The following SP140 variants were observed in gnomAD, a reference collection of about 807,000 sequenced individuals.
SP140 encodes the protein nuclear body protein SP140.
Under a neutral mutation model 125.0 loss-of-function variants are expected in SP140, and 81 were observed. The observed-to-expected ratio is 0.65, with a 90% CI of 0.54 to 0.78. The LOEUF is 0.78. SP140 is among the 30% of genes least tolerant of loss of function. The probability of loss-of-function intolerance (pLI) is 0.00; values close to 1 mark genes in which losing one functional copy is unlikely to be tolerated. For synonymous variants in SP140, 312 were observed against 354.0 expected (o/e 0.88, Z 1.33); for missense variants, 858 against 1,037.0 (o/e 0.83, Z 2.37).
At chr2:230,203,023 G>A (rs1285299859), upstream of SP140, 2 of 427,252 alleles carry the variant, frequency 4.7e-6, no homozygotes, top group East Asian at 5.0e-5. Flanking sequence ...CGTTTGTGTC[G>A]GCCTGCACCA....
upstream of SP140, among the ~76,000 whole-genome samples, chr2:230,198,133 C>CTGTAGGGCCGGAAGTCCTT (rs1553537782): frequency 6.6e-6 from 1 of 152,146 alleles, no homozygotes; most frequent in African/African-American, 2.4e-5. Flanking sequence ...TGGAAGTCCT[C>CTGTAGGGCCGGAAGTCCTT]TGTAGGGCCC....
chr2:230,204,848 G>A (rs1451499374), intron 1 of SP140, among the ~76,000 whole-genome samples: 2 of 152,178 alleles, frequency 1.3e-5, no homozygotes, highest in Non-Finnish European at 2.9e-5. Context: ...CATTTATGGG[G>A]AGTAGTGTAG....
intron 5 of SP140, 106 bp downstream of exon 5, chr2:230,243,917 A>G: frequency 1.3e-6 from 1 of 751,562 alleles, no homozygotes; most frequent in Non-Finnish European, 2.3e-6. Context: ...GCCACAGGCA[A>G]AAGATCCATT....
chr2:230,270,761 A>G, intron 15 of SP140, 122 bp downstream of exon 15: 1 of 941,934 alleles, frequency 1.1e-6, no homozygotes, highest in Admixed American at 2.0e-5. Flanking sequence ...AGACAGAAGG[A>G]TGACCTCCCT....
At chr2:230,297,242 G>C (rs1009810078) in intron 21 of SP140, among the ~76,000 whole-genome samples, 179 bp from the exon 22 acceptor site, 2 of 152,226 alleles carry the variant, frequency 1.3e-5, no homozygotes, top group Admixed American at 6.5e-5. Flanking sequence ...GTTTCAGTTT[G>C]CTTACTTAGA....
chr2:230,199,486 G>C (rs193179847), upstream of SP140, among the ~76,000 whole-genome samples: 21 of 152,092 alleles, frequency 1.4e-4, no homozygotes, highest in East Asian at 4.0e-3. Context: ...TGGGATTATA[G>C]GCATGAGCCA....
At position 230,263,562 on chromosome 2, in the gene SP140, G is replaced by A. The variant is rs1235778522; in HGVS notation, c.1241-5970G>A. Among the ~76,000 whole-genome samples, 8 of 152,052 alleles carry A rather than the reference G, an allele frequency of 5.3e-5. No homozygotes were observed. In the East Asian group the frequency reaches 1.5e-3, roughly 29 times the overall value. On this transcript the variant is annotated intron_variant, in intron 12 of 26. Coordinates refer to ENST00000392045, the MANE Select transcript of SP140 (RefSeq NM_007237.5). ...CTTGTATTTTATTTTTGTTTTATAGGTCCTGTGTGATTTATGCTTTAAAGA... is the reference window on the plus strand; with the variant it reads ...CTTGTATTTTATTTTTGTTTTATAGATCCTGTGTGATTTATGCTTTAAAGA...
intron 9 of SP140, among the ~76,000 whole-genome samples, chr2:230,250,659 A>C (rs988858050): frequency 2.6e-5 from 4 of 152,212 alleles, no homozygotes; most frequent in Non-Finnish European, 5.9e-5. Flanking sequence ...AAACACATGG[A>C]AACAAAGAGA....
chr2:230,227,931 AT>A (rs1482248553), intron 1 of SP140, among the ~76,000 whole-genome samples: 2 of 151,340 alleles, frequency 1.3e-5, no homozygotes, highest in African/African-American at 2.4e-5. Flanking sequence ...TTTAATTTTA[AT>A]TTTTTTTCCT....
chr2:230,311,816 C>G (rs2059354446), intron 26 of SP140, among the ~76,000 whole-genome samples: 1 of 152,218 alleles, frequency 6.6e-6, no homozygotes, highest in South Asian at 2.1e-4. Flanking sequence ...CCTGAGAGCT[C>G]CTCCCCCACC....
chr2:230,193,223 T>C, the SP140 span, among the ~76,000 whole-genome samples: 1 of 152,222 alleles, frequency 6.6e-6, no homozygotes, highest in African/African-American at 2.4e-5. Flanking sequence ...TTCACCCTTA[T>C]ACCTTGAATT....
In SP140 at chr2:230,290,554, A is replaced by G. The variant is rs776245731; in HGVS notation, c.1815A>G (p.Lys605=). The change falls in exon 19 of 27, where the codon AAA becomes AAG. Residue 605 remains lysine (K), a synonymous_variant. Transcript: ENST00000392045. ...GGVKGILHKK[K]LQQGILVKCI... Reference sequence around the variant, plus strand: ...TGAAGGGAATTTTACATAAGAAGAAATTGCAGCAAGGTAGGTTTTATGGTC... The same window carrying G: ...TGAAGGGAATTTTACATAAGAAGAAGTTGCAGCAAGGTAGGTTTTATGGTC... 1.2e-5 allele frequency: 19 copies of G among 1,612,828 alleles called. 1 individual carries two copies. In the Admixed American group the frequency reaches 2.8e-4, roughly 24 times the overall value.
chr2:230,272,212 C>T (rs1413569607), intron 15 of SP140, among the ~76,000 whole-genome samples: 1 of 152,130 alleles, frequency 6.6e-6, no homozygotes, highest in Non-Finnish European at 1.5e-5. Flanking sequence ...CTAGAAAATA[C>T]GATTTTAGAA....
intron 1 of SP140, among the ~76,000 whole-genome samples, chr2:230,226,697 G>A (rs1427404478): frequency 6.8e-6 from 1 of 147,588 alleles, no homozygotes; most frequent in Non-Finnish European, 1.5e-5. Context: ...GGGAGGCAGA[G>A]GTTTTGGCGA....
chr2:230,221,608 A>G (rs1574828021), upstream of SP140: 1 of 1,178,976 alleles, frequency 8.5e-7, no homozygotes, highest in East Asian at 2.5e-5. Flanking sequence ...GGGTGCATTG[A>G]TGCCTCAGCA....
At chr2:230,280,170 C>G (rs1170331028) in intron 15 of SP140, among the ~76,000 whole-genome samples, 1 of 152,066 alleles carries the variant, frequency 6.6e-6, no homozygotes, top group Non-Finnish European at 1.5e-5. Context: ...GCCAATTCCT[C>G]TTTATCTTGT....
In SP140 at chr2:230,211,513, T is replaced by C. The variant is rs767736533; in HGVS notation, c.-322-2141T>C. On this transcript the variant is annotated intron_variant, in intron 1 of 4. Transcript: ENST00000456542. This position sits in a 1 kb window ranked among gnomAD's most constrained non-coding sequence, Gnocchi z 4.2. ...GAGAGTGGGGCATCTCTTGAGGGTC[T>C]TCTTTATCTCTTATTTGGGGGATCA... The C allele has an allele frequency of 6.2e-7, 1 of 1,612,548 alleles. No individual in the cohort carries two copies. The highest frequency in any genetic ancestry group is 1.1e-5 in the South Asian group (1 of 91,052).
chr2:230,296,746 G>C (rs1365727788), intron 21 of SP140, among the ~76,000 whole-genome samples: 4 of 152,154 alleles, frequency 2.6e-5, no homozygotes, highest in African/African-American at 9.7e-5. Context: ...TTATTATTGA[G>C]GCTCCTCTGG....
At chr2:230,203,887 C>T (rs1023777873) in intron 1 of SP140, among the ~76,000 whole-genome samples, 2 of 151,942 alleles carry the variant, frequency 1.3e-5, no homozygotes, top group East Asian at 1.9e-4. Flanking sequence ...TTTAGTTTTA[C>T]AAGATAAAAG....
Sources: allele counts gnomAD v4.1 joint callset (sites outside exome capture counted in the v4.1 genomes callset), GRCh38; gene constraint gnomAD v4.1.1; non-coding constraint Gnocchi (gnomAD v3.1); transcripts MANE v1.5; gene names NCBI Gene and HGNC (gene_info 2026-07-23, HGNC 2026-07-21).